TENT4A: variants seen among roughly 807,000 people sequenced by gnomAD.
The protein encoded by TENT4A is DNA polymerase kappa.
In TENT4A, 7 loss-of-function variants were observed where a neutral mutation model predicts 72.8. The observed-to-expected ratio is 0.10, with a 90% CI of 0.05 to 0.18. The LOEUF is 0.18. Ranked by LOEUF, TENT4A falls within the 10% of genes least tolerant of loss-of-function variation. The pLI, the probability that TENT4A is intolerant of heterozygous loss-of-function variation, is 1.00. For missense variants in TENT4A, 831 were observed against 1,017.7 expected (o/e 0.82, Z 2.50); for synonymous variants, 456 against 434.3 (o/e 1.05, Z -0.62).
chr5:6,736,028 T>C (rs1741471089), intron 1 of TENT4A, among the ~76,000 whole-genome samples: 1 of 152,218 alleles, frequency 6.6e-6, no homozygotes, highest in African/African-American at 2.4e-5. Flanking sequence ...CCCAAAGTGC[T>C]GGGATTACAG....
intron 4 of TENT4A, among the ~76,000 whole-genome samples, chr5:6,742,013 G>GA (rs1162994993): frequency 6.6e-6 from 1 of 152,162 alleles, no homozygotes; most frequent in Admixed American, 6.5e-5. Context: ...TTTTTTAGGG[G>GA]AAAAATTTTT....
rs1436797204 is a variant in TENT4A at position 6,739,088 on chromosome 5, GC to G, written c.887+360del. ...ATCTTATGTTTTGATGAAGATTCAA[GC>G]AAAATTCTCTTTAAATAGTATTTTC... On this transcript the variant is annotated intron_variant, in intron 3 of 12. Transcript: ENST00000230859. Among the ~76,000 whole-genome samples, 39 of 152,300 alleles carry G rather than the reference GC, an allele frequency of 2.6e-4. 1 individual carries two copies. The highest frequency in any genetic ancestry group is 8.7e-4 in the African/African-American group (36 of 41,570).
Position 6,755,637 on chromosome 5 carries a change from T to C in TENT4A, c.*692T>C, listed in dbSNP as rs541491988. On this transcript the variant is annotated 3_prime_UTR_variant, in exon 13 of 13. Transcript: ENST00000230859. ...TGAGGGGTTTGGGGTTTTATTTTGA[T>C]GTCTTTTCTTTTGGTCGGAAGTGAG... 2.0e-5 allele frequency: 3 copies of C among 152,592 alleles called. No individual in the cohort carries two copies. The East Asian group carries it at 5.8e-4, about 29-fold the overall frequency. 9.5% of individuals were successfully genotyped at this position (152,592 alleles called of 1,614,324 possible). A position where few individuals can be genotyped will look rare whatever the true frequency, so the allele number is the denominator to read the frequency against.
At position 6,756,989 on chromosome 5, in the gene TENT4A, CAT is replaced by C. The variant is rs1479911786; in HGVS notation, c.*2047_*2048del. The C allele has an allele frequency of 7.2e-5, 11 of 152,658 alleles. No individual in the cohort carries two copies. The highest frequency in any genetic ancestry group is 2.2e-4 in the African/African-American group (9 of 41,550). The allele number at this position is 152,658 out of a possible 1,614,324, so 9.5% of individuals were successfully genotyped here. A position where few individuals can be genotyped will look rare whatever the true frequency, so the allele number is the denominator to read the frequency against. ...ACAACAATATGGAAGCTAAAATTGA[CAT>C]ATTTTTATGTAAAGTTTTTCTATTC... On this transcript the variant is annotated 3_prime_UTR_variant, in exon 13 of 13. Transcript: ENST00000230859.
In TENT4A at chr5:6,751,108, A is replaced by G. The variant is rs1011538466; in HGVS notation, c.1930A>G (p.Met644Val). The stretch of plus-strand genomic sequence containing the variant: ...CAGTCTGCAAGCGCCAGCTCCTCTC[A>G]TGGCCGGCTTACCCACCGCCTTGCC... The part of the protein sequence containing the change: ...QFSLQAPAPL[M>V]AGLPTALPMP... Residue 644 changes from methionine (M) to valine (V), a missense_variant, in exon 11 of 13, where the codon ATG becomes GTG. By Grantham distance (21) the Met-to-Val change is conservative. Transcript: ENST00000230859. The G allele has an allele frequency of 6.2e-7, 1 of 1,611,806 alleles. No homozygotes were observed. The highest frequency in any genetic ancestry group is 1.3e-5 in the African/African-American group (1 of 74,850).
At chr5:6,716,875 G>A (rs1397078913) in intron 1 of TENT4A, among the ~76,000 whole-genome samples, 1 of 152,240 alleles carries the variant, frequency 6.6e-6, no homozygotes, top group Non-Finnish European at 1.5e-5. Flanking sequence ...CTCCTTGCCT[G>A]TCTCTGGGTG....
In TENT4A at chr5:6,744,423, T is replaced by A. The variant is rs569045070; in HGVS notation, c.1245+583T>A. Among the ~76,000 whole-genome samples the A allele has an allele frequency of 4.3e-4, 65 of 152,378 alleles. No individual in the cohort carries two copies. In the South Asian group the frequency reaches 0.011, roughly 25 times the overall value. On this transcript the variant is annotated intron_variant, in intron 6 of 12. Coordinates refer to ENST00000230859, the MANE Select transcript of TENT4A (RefSeq NM_006999.6). ...TTAAACATATAAAATCATCTCTAAT[T>A]GGAACAGTAATTATTCCGTTTATAT...
intron 4 of TENT4A, among the ~76,000 whole-genome samples, chr5:6,740,515 T>C (rs555125888): frequency 6.6e-6 from 1 of 152,328 alleles, no homozygotes; most frequent in African/African-American, 2.4e-5. Context: ...ATTCACATCC[T>C]TATAGTGTTT....
chr5:6,740,348 G>A (rs1375681497), intron 4 of TENT4A, among the ~76,000 whole-genome samples: 1 of 152,192 alleles, frequency 6.6e-6, no homozygotes, highest in African/African-American at 2.4e-5. Context: ...TTGAAGATGA[G>A]ACTGTTTCTG....
chr5:6,736,829 G>T (rs192212593), intron 1 of TENT4A, among the ~76,000 whole-genome samples: 71 of 152,382 alleles, frequency 4.7e-4, no homozygotes, highest in Middle Eastern at 6.8e-3. Flanking sequence ...TGTCCCACAG[G>T]CATTTGGGTG....
chr5:6,747,170 A>T (rs1050005961), intron 7 of TENT4A, among the ~76,000 whole-genome samples: 2 of 152,202 alleles, frequency 1.3e-5, no homozygotes, highest in African/African-American at 4.8e-5. Flanking sequence ...TAGGTGAGAT[A>T]CCATTCTTAC....
rs533887637 is a variant in TENT4A, at chr5:6,750,206, A to G, written c.1688-125A>G. ...TTTAAAATTAAATTAGGCAAAACCT[A>G]ATGTTGGGTTTGTTAGTCACATTAG... On this transcript the variant is annotated intron_variant, in intron 9 of 12. Transcript: ENST00000230859. The G allele has an allele frequency of 3.0e-4, 176 of 581,218 alleles. 2 individuals are homozygous for G. Among genetic ancestry groups the G allele is most frequent in the South Asian group, 3.8e-5 (1 of 26,154 alleles). The allele number at this position is 581,218 out of a possible 1,614,324, so 36.0% of individuals were successfully genotyped here. A position where few individuals can be genotyped will look rare whatever the true frequency, so the allele number is the denominator to read the frequency against.
chr5:6,755,347 C>T lies in TENT4A; in HGVS notation c.*402C>T, dbSNP rs274674. The T allele has an allele frequency of 0.29, 48,152 of 164,470 alleles. 7,526 individuals are homozygous for T. Among genetic ancestry groups the T allele is most frequent in the East Asian group, 0.4 (2,343 of 5,810 alleles). The allele number at this position is 164,470 out of a possible 1,614,324, so 10.2% of individuals were successfully genotyped here. On this transcript the variant is annotated 3_prime_UTR_variant, in exon 13 of 13. Coordinates refer to ENST00000230859, the MANE Select transcript of TENT4A (RefSeq NM_006999.6). ...ACCCCGTTCGTGTGTCTTTCCTCCA[C>T]GGATAAGCTTGGGAGGTCATTGTTT...
Position 6,738,746 on chromosome 5 carries a change from A to G in TENT4A, c.887+17A>G, listed in dbSNP as rs545185151. On this transcript the variant is annotated intron_variant, in intron 3 of 12. Coordinates refer to ENST00000230859, the MANE Select transcript of TENT4A (RefSeq NM_006999.6). ...TCCAACTAGGTGAGTACCAGACTGC[A>G]TGGCATGGGCTAGTGGGGGGCTGGG... The G allele has an allele frequency of 4.4e-6, 7 of 1,594,148 alleles. No homozygotes were observed. The South Asian group carries it at 4.4e-5, about 10-fold the overall frequency.
chr5:6,743,074 C>T (rs974426175), intron 5 of TENT4A, among the ~76,000 whole-genome samples: 4 of 152,192 alleles, frequency 2.6e-5, no homozygotes, highest in East Asian at 1.9e-4. Context: ...CAGTAGAGGC[C>T]GTGCAGTCCT....
chr5:6,748,623 C>A, intron 8 of TENT4A, 33 bp downstream of exon 8: 1 of 1,594,454 alleles, frequency 6.3e-7, no homozygotes, highest in East Asian at 2.3e-5. Context: ...CTGGGCTCAG[C>A]GTGCCTGTGG....
chr5:6,725,345 A>G (rs188783715), intron 1 of TENT4A, among the ~76,000 whole-genome samples: 244 of 152,254 alleles, frequency 1.6e-3, no homozygotes, highest in African/African-American at 5.8e-3. Flanking sequence ...AAAAGAAAAC[A>G]ATTATGCTGA....
At chr5:6,738,192 T>G (rs994467784) in intron 2 of TENT4A, among the ~76,000 whole-genome samples, 4 of 152,102 alleles carry the variant, frequency 2.6e-5, no homozygotes, top group African/African-American at 9.7e-5. Flanking sequence ...TTCAGCAGCC[T>G]TCCCTACTGC....
At chr5:6,738,632 T>TAAGTCTTTTAGTAA in intron 2 of TENT4A, 51 bp from the exon 3 acceptor site, 2 of 1,341,628 alleles carry the variant, frequency 1.5e-6, no homozygotes, top group Non-Finnish European at 2.1e-6. Flanking sequence ...AATGGTAGTG[T>TAAGTCTTTTAGTAA]GACTGCTTGG....
Sources: gnomAD v4.1 joint callset for allele counts (sites outside exome capture counted in the v4.1 genomes callset) on GRCh38, gnomAD v4.1.1 for gene constraint, MANE v1.5 for transcripts, NCBI Gene and HGNC (gene_info 2026-07-23, HGNC 2026-07-21) for gene names.